SRGAP1: variants seen among roughly 807,000 people sequenced by gnomAD.
SRGAP1 encodes SLIT-ROBO Rho GTPase-activating protein 1.
SRGAP1 carries 43 observed loss-of-function variants against 121.9 expected under a neutral mutation model. That is an observed-to-expected ratio of 0.35 (90% CI 0.28 to 0.46). The LOEUF (loss-of-function observed/expected upper bound fraction) is 0.46, where lower values mean the gene tolerates loss of function less well. SRGAP1 is among the 20% of genes least tolerant of loss of function. The pLI is 1.00. For missense variants in SRGAP1, 1,102 were observed against 1,350.9 expected (o/e 0.82, Z 2.89); for synonymous variants, 447 against 485.4 (o/e 0.92, Z 1.04).
intron 3 of SRGAP1, among the ~76,000 whole-genome samples, chr12:64,015,337 T>G (rs1476285665): frequency 6.6e-6 from 1 of 152,166 alleles, no homozygotes; most frequent in Non-Finnish European, 1.5e-5. Context: ...TCAGTTGACT[T>G]CATTTTTTTA....
intron 3 of SRGAP1, among the ~76,000 whole-genome samples, chr12:64,011,201 T>G (rs968025266): frequency 9.9e-5 from 15 of 152,012 alleles, no homozygotes; most frequent in African/African-American, 3.1e-4. Context: ...TAAAAAAAAT[T>G]GAACTCTATC....
intron 4 of SRGAP1, among the ~76,000 whole-genome samples, chr12:64,036,705 T>C (rs2034912639): frequency 6.6e-6 from 1 of 152,258 alleles, no homozygotes; most frequent in African/African-American, 2.4e-5. Context: ...AGGTATTTAT[T>C]GCTGGTGCTA....
intron 4 of SRGAP1, among the ~76,000 whole-genome samples, chr12:64,035,824 G>A (rs2034891890): frequency 6.6e-6 from 1 of 152,206 alleles, no homozygotes; most frequent in Non-Finnish European, 1.5e-5. Flanking sequence ...TTGGGAGACA[G>A]TGGCCTGCAC....
At chr12:64,030,182 AAAG>A (rs1423547128) in intron 4 of SRGAP1, among the ~76,000 whole-genome samples, 1 of 152,244 alleles carries the variant, frequency 6.6e-6, no homozygotes, top group African/African-American at 2.4e-5. Context: ...ATAAATCAAT[AAAG>A]AAGAAAACAT....
intron 1 of SRGAP1, among the ~76,000 whole-genome samples, chr12:63,973,102 C>T (rs1294568884): frequency 3.9e-5 from 6 of 152,220 alleles, no homozygotes; most frequent in African/African-American, 1.4e-4. Flanking sequence ...GAGCCAAGAT[C>T]GCGCTACTGC....
chr12:64,129,175 C>T (rs901452629), intron 21 of SRGAP1, among the ~76,000 whole-genome samples: 3 of 151,746 alleles, frequency 2.0e-5, no homozygotes, highest in Non-Finnish European at 4.4e-5. Flanking sequence ...AATATATATA[C>T]ATATAAAGGG....
intron 21 of SRGAP1, among the ~76,000 whole-genome samples, chr12:64,141,126 G>GT (rs1239994451): frequency 2.1e-5 from 3 of 145,438 alleles, no homozygotes; most frequent in Non-Finnish European, 4.5e-5. Context: ...CTGTTGTGGG[G>GT]TGGGTGGAGA....
At chr12:64,037,727 A>G (rs2136497473) in intron 4 of SRGAP1, among the ~76,000 whole-genome samples, 1 of 152,248 alleles carries the variant, frequency 6.6e-6, no homozygotes, top group South Asian at 2.1e-4. Flanking sequence ...TGCTTGTACC[A>G]TCTTTCTAGC....
At chr12:63,877,014 A>G (rs1900050127) in intron 1 of SRGAP1, among the ~76,000 whole-genome samples, 1 of 152,204 alleles carries the variant, frequency 6.6e-6, no homozygotes, top group South Asian at 2.1e-4. Flanking sequence ...ATCTGAGGTC[A>G]GGAGTTTAAG....
At chr12:64,062,793 T>G in intron 6 of SRGAP1, 124 bp from the exon 7 acceptor site, 1 of 651,064 alleles carries the variant, frequency 1.5e-6, no homozygotes, top group Non-Finnish European at 2.6e-6. Context: ...CAGTGCCTAA[T>G]CCAATGTCAT....
rs1256013317 is a variant in SRGAP1, at chr12:64,142,861, T to C, written c.*189T>C. On this transcript the variant is annotated 3_prime_UTR_variant, in exon 22 of 22. Transcript: ENST00000355086. ...ACGGGCATTTGTATTTTGTAATTTT[T>C]TTAAATAACTGGACATATGTCATTT... The C allele has an allele frequency of 1.3e-6, 1 of 752,652 alleles. No homozygotes were observed. The highest frequency in any genetic ancestry group is 2.1e-6 in the Non-Finnish European group (1 of 477,294). The allele number at this position is 752,652 out of a possible 1,614,324, so 46.6% of individuals were successfully genotyped here. A position where few individuals can be genotyped will look rare whatever the true frequency, so the allele number is the denominator to read the frequency against.
rs59798383 is a variant in SRGAP1, at chr12:63,992,660, T to TACACAC, written c.426+2639_426+2644dup. ...AATGGCCTGGAGAATGCACAGTAAA[T>TACACAC]ACACACACACACACACACACACACA... On this transcript the variant is annotated intron_variant, in intron 3 of 21. Transcript: ENST00000355086. Among the ~76,000 whole-genome samples the TACACAC allele has an allele frequency of 6.2e-3, 861 of 138,540 alleles. 5 individuals carry two copies. The highest frequency in any genetic ancestry group is 0.012 in the African/African-American group (435 of 35,908). 90.9% of individuals were successfully genotyped at this position (138,540 alleles called of 152,430 possible).
intron 1 of SRGAP1, chr12:63,871,637 C>CA (rs1899858208): frequency 2.2e-6 from 1 of 459,278 alleles, no homozygotes; most frequent in Non-Finnish European, 3.9e-6. Flanking sequence ...TTTCTTTTTT[C>CA]TTTTTTTTTT....
chr12:64,138,772 T>C (rs1372060703), intron 21 of SRGAP1, among the ~76,000 whole-genome samples: 2 of 152,194 alleles, frequency 1.3e-5, no homozygotes, highest in African/African-American at 4.8e-5. Flanking sequence ...GAGGTAGTGA[T>C]GCTTTCACCT....
At chr12:63,966,096 A>G (rs985385203) in intron 1 of SRGAP1, among the ~76,000 whole-genome samples, 1 of 152,232 alleles carries the variant, frequency 6.6e-6, no homozygotes, top group Admixed American at 6.5e-5. Flanking sequence ...CTGGGATTAC[A>G]GGCATGAGAC....
intron 1 of SRGAP1, among the ~76,000 whole-genome samples, chr12:63,860,620 AT>A (rs1899411876): frequency 6.6e-6 from 1 of 152,090 alleles, no homozygotes; most frequent in African/African-American, 2.4e-5. Context: ...TCTCTGCATT[AT>A]TTTCAATTAG....
chr12:63,859,117 AT>A (rs1899355985), intron 1 of SRGAP1, among the ~76,000 whole-genome samples: 1 of 152,236 alleles, frequency 6.6e-6, no homozygotes. Flanking sequence ...TCTGTAATGA[AT>A]TAAAAATATA....
At chr12:63,856,632 C>G (rs1565922549) in intron 1 of SRGAP1, among the ~76,000 whole-genome samples, 2 of 79,934 alleles carry the variant, frequency 2.5e-5, no homozygotes, top group African/African-American at 1.4e-4. Flanking sequence ...TTTTTGGACA[C>G]TCTATTGTGT....
In SRGAP1 at chr12:64,082,001, C is replaced by CTTTTTTTTT; in HGVS notation, c.1408+1644_1408+1652dup. 5.4e-4 allele frequency: 36 copies of CTTTTTTTTT among 66,132 alleles called. 3 individuals carry two copies. The highest frequency in any genetic ancestry group is 2.1e-3 in the African/African-American group (33 of 15,462). The allele number at this position is 66,132 out of a possible 1,614,324, so 4.1% of individuals were successfully genotyped here. A position where few individuals can be genotyped will look rare whatever the true frequency, so the allele number is the denominator to read the frequency against. The stretch of plus-strand genomic sequence containing the variant: ...TTTCCCTCACAGTGTCATGTAAGGT[C>CTTTTTTTTT]TTTTTTTTTTTTTTTTTTTTTCAAT... On this transcript the variant is annotated intron_variant, in intron 10 of 21. Transcript: ENST00000355086.
Sources: allele counts gnomAD v4.1 joint callset (sites outside exome capture counted in the v4.1 genomes callset), GRCh38; gene constraint gnomAD v4.1.1; transcripts MANE v1.5; gene names NCBI Gene and HGNC (gene_info 2026-07-23, HGNC 2026-07-21).